Variants in EGFLAM observed in about 807,000 individuals in gnomAD.
EGFLAM encodes the protein pikachurin.
Under a neutral mutation model 113.1 loss-of-function variants are expected in EGFLAM, and 79 were observed. That is an observed-to-expected ratio of 0.70 (90% CI 0.58 to 0.84). The LOEUF (loss-of-function observed/expected upper bound fraction) is 0.84. EGFLAM is among the 40% of genes least tolerant of loss of function. The probability of loss-of-function intolerance (pLI) is 0.00; values close to 1 mark genes in which losing one functional copy is unlikely to be tolerated. For missense variants in EGFLAM, 1,265 were observed against 1,291.6 expected, an observed-to-expected ratio of 0.98 and a Z score of 0.32; for synonymous variants, 504 against 487.6, an observed-to-expected ratio of 1.03 and a Z score of -0.44.
intron 1 of EGFLAM, among the ~76,000 whole-genome samples, chr5:38,260,240 G>A (rs908277961): frequency 3.3e-5 from 5 of 152,190 alleles, no homozygotes; most frequent in African/African-American, 7.2e-5. Flanking sequence ...ACCACATCAC[G>A]ATCAATTGCA....
rs551326699 is a variant in EGFLAM, at chr5:38,347,487, A to G, written c.292-3014A>G. Among the ~76,000 whole-genome samples the G allele has an allele frequency of 3.3e-5, 5 of 152,276 alleles. No homozygotes were observed. In the East Asian group the frequency reaches 7.8e-4, roughly 24 times the overall value. Reference sequence around the variant, plus strand: ...CAGCCTAGAGGAGGGGCACCTAACCAGACTGGGGCGGGGCCAGAGAAATGA... The same window carrying G: ...CAGCCTAGAGGAGGGGCACCTAACCGGACTGGGGCGGGGCCAGAGAAATGA... On this transcript the variant is annotated intron_variant, in intron 3 of 21. Coordinates refer to ENST00000322350, the MANE Select transcript of EGFLAM (RefSeq NM_152403.4).
At chr5:38,457,708 C>T (rs1171461018) in intron 19 of EGFLAM, among the ~76,000 whole-genome samples, 1 of 152,140 alleles carries the variant, frequency 6.6e-6, no homozygotes, top group Non-Finnish European at 1.5e-5. Flanking sequence ...AGACCATCAT[C>T]GTAACATAGT....
chr5:38,463,749 A>T, intron 21 of EGFLAM, 83 bp from the exon 22 acceptor site: 1 of 1,552,740 alleles, frequency 6.4e-7, no homozygotes, highest in Non-Finnish European at 8.8e-7. Context: ...GCAGCCATTC[A>T]AGTGCCCCAA....
At chr5:38,261,941 G>T (rs1286527793) in intron 1 of EGFLAM, among the ~76,000 whole-genome samples, 1 of 152,180 alleles carries the variant, frequency 6.6e-6, no homozygotes, top group Non-Finnish European at 1.5e-5. Flanking sequence ...TCTGAAGAAT[G>T]GGAGGGTTTA....
intron 20 of EGFLAM, among the ~76,000 whole-genome samples, chr5:38,460,690 T>A (rs1186218432): frequency 6.6e-6 from 1 of 152,174 alleles, no homozygotes; most frequent in Non-Finnish European, 1.5e-5. Flanking sequence ...CAGCAGATAC[T>A]GTGAGTTGTG....
At chr5:38,334,654 C>A (rs1432080356) in intron 1 of EGFLAM, among the ~76,000 whole-genome samples, 1 of 152,102 alleles carries the variant, frequency 6.6e-6, no homozygotes, top group Non-Finnish European at 1.5e-5. Context: ...ATTTCTTTTG[C>A]AAATATTTTC....
chr5:38,440,635 A>G (rs1168477410), intron 17 of EGFLAM, among the ~76,000 whole-genome samples: 2 of 152,244 alleles, frequency 1.3e-5, no homozygotes, highest in African/African-American at 2.4e-5. Flanking sequence ...TGTCAGAAAG[A>G]ATCCTGTCTC....
At chr5:38,311,008 C>T (rs1213308699) in intron 1 of EGFLAM, among the ~76,000 whole-genome samples, 3 of 151,976 alleles carry the variant, frequency 2.0e-5, no homozygotes, top group Non-Finnish European at 2.9e-5. Flanking sequence ...CTGCTTGGAT[C>T]CTTGCCATTC....
At chr5:38,347,008 T>A (rs1414428246) in intron 3 of EGFLAM, among the ~76,000 whole-genome samples, 1 of 151,052 alleles carries the variant, frequency 6.6e-6, no homozygotes, top group East Asian at 2.0e-4. Flanking sequence ...AGGCAAAGAG[T>A]CAAAGGGGCC....
At chr5:38,428,084 G>T (rs1483321803) in intron 14 of EGFLAM, among the ~76,000 whole-genome samples, 1 of 152,174 alleles carries the variant, frequency 6.6e-6, no homozygotes, top group African/African-American at 2.4e-5. Flanking sequence ...CATGCTTCTT[G>T]TTCCTACATT....
Position 38,370,283 on chromosome 5 carries a change from C to A in EGFLAM, c.546-13C>A, listed in dbSNP as rs982181875. ...CTGAACTACTGCTTCTTCTGTTTTT[C>A]TAATCAATAAAGGCCAGATTTCGAC... On this transcript the variant is annotated splice_polypyrimidine_tract_variant and intron_variant, in intron 5 of 21. Transcript: ENST00000322350. The A allele has an allele frequency of 1.2e-6, 2 of 1,608,274 alleles. No individual in the cohort carries two copies. The highest frequency in any genetic ancestry group is 1.3e-5 in the African/African-American group (1 of 74,826).
At chr5:38,270,256 C>G (rs1757735755) in intron 1 of EGFLAM, among the ~76,000 whole-genome samples, 1 of 152,204 alleles carries the variant, frequency 6.6e-6, no homozygotes, top group African/African-American at 2.4e-5. Flanking sequence ...TTTCAGATGT[C>G]TTCTATGGAA....
chr5:38,343,185 A>G (rs1279426054), intron 3 of EGFLAM, among the ~76,000 whole-genome samples: 2 of 151,848 alleles, frequency 1.3e-5, no homozygotes, highest in Non-Finnish European at 2.9e-5. Flanking sequence ...GGGTGGATCA[A>G]CTGAGGTCAG....
intron 1 of EGFLAM, among the ~76,000 whole-genome samples, chr5:38,272,476 C>T (rs1261471236): frequency 6.6e-6 from 1 of 152,154 alleles, no homozygotes; most frequent in Non-Finnish European, 1.5e-5. Flanking sequence ...GACCAGTCTG[C>T]CATAATGAGA....
At chr5:38,318,857 C>A (rs566594121) in intron 1 of EGFLAM, among the ~76,000 whole-genome samples, 35 of 152,104 alleles carry the variant, frequency 2.3e-4, no homozygotes, top group African/African-American at 6.8e-4. Context: ...TCAGCGTGGT[C>A]ACAATAACTC....
At chr5:38,303,205 A>C (rs1055184580) in intron 1 of EGFLAM, among the ~76,000 whole-genome samples, 1 of 152,222 alleles carries the variant, frequency 6.6e-6, no homozygotes, top group Non-Finnish European at 1.5e-5. Context: ...AGTCTACTAT[A>C]GTATTCATCA....
intron 2 of EGFLAM, 119 bp from the exon 3 acceptor site, chr5:38,338,579 G>T (rs1739252662): frequency 2.3e-6 from 2 of 887,148 alleles, no homozygotes; most frequent in Non-Finnish European, 3.6e-6. Context: ...CGCAGAACTA[G>T]TGCACGTGAT....
intron 2 of EGFLAM, among the ~76,000 whole-genome samples, 182 bp downstream of exon 2, chr5:38,337,811 A>G (rs1473927406): frequency 6.6e-6 from 1 of 152,158 alleles, no homozygotes; most frequent in Non-Finnish European, 1.5e-5. Flanking sequence ...ATGTCACATC[A>G]CATCTGCATT....
At chr5:38,454,745 A>G (rs929790773) in intron 19 of EGFLAM, among the ~76,000 whole-genome samples, 3 of 152,230 alleles carry the variant, frequency 2.0e-5, no homozygotes, top group Non-Finnish European at 2.9e-5. Context: ...CAGATGGAAG[A>G]GGAACCCTAA....
Sources: allele counts gnomAD v4.1 joint callset (sites outside exome capture counted in the v4.1 genomes callset), GRCh38; gene constraint gnomAD v4.1.1; transcripts MANE v1.5; gene names NCBI Gene and HGNC (gene_info 2026-07-23, HGNC 2026-07-21).